The following CA8 variants were observed in gnomAD, a reference collection of about 807,000 sequenced individuals.
The protein encoded by CA8 is carbonic anhydrase-related protein.
CA8 carries 22 observed loss-of-function variants against 41.4 expected under a neutral mutation model. The observed-to-expected ratio is 0.53, with a 90% CI of 0.38 to 0.76. The LOEUF (loss-of-function observed/expected upper bound fraction) is 0.76, where lower values mean the gene tolerates loss of function less well. CA8 is among the 30% of genes least tolerant of loss of function. The pLI is 0.00. For missense variants in CA8, 270 were observed against 352.8 expected (o/e 0.77, Z 1.88); for synonymous variants, 121 against 130.6 (o/e 0.93, Z 0.50).
intron 3 of CA8, among the ~76,000 whole-genome samples, chr8:60,250,229 A>G (rs1241496112): frequency 1.3e-5 from 2 of 152,186 alleles, no homozygotes; most frequent in African/African-American, 4.8e-5. Context: ...TGCTGCAATA[A>G]ATCTCATTCT....
intron 3 of CA8, among the ~76,000 whole-genome samples, chr8:60,238,926 T>C (rs892503670): frequency 2.0e-5 from 3 of 151,864 alleles, no homozygotes; most frequent in African/African-American, 2.4e-5. Context: ...GACAGAAAGA[T>C]GGAGGCTGGA....
At chr8:60,273,813 A>G (rs1391377047) in intron 2 of CA8, among the ~76,000 whole-genome samples, 1 of 152,260 alleles carries the variant, frequency 6.6e-6, no homozygotes, top group African/African-American at 2.4e-5. Context: ...CCTTGGCTTG[A>G]GAAGTTCCAG....
intron 3 of CA8, among the ~76,000 whole-genome samples, chr8:60,239,631 T>C (rs577597041): frequency 6.6e-6 from 1 of 152,306 alleles, no homozygotes; most frequent in South Asian, 2.1e-4. Context: ...AAATGTGACC[T>C]TGTAGAGTTG....
chr8:60,281,127 G>C lies in CA8; in HGVS notation c.21C>G (p.Ile7Met), dbSNP rs1317272159. The change falls in exon 1 of 9, where the codon ATC becomes ATG. Residue 7 changes from isoleucine (I) to methionine (M), a missense_variant. Physicochemically the swap from Ile to Met is conservative, Grantham distance 10 (BLOSUM62 1). Transcript: ENST00000317995. MADLSF[I>M]EDTVAFPEKE... is the part of the protein sequence containing the mutation. ...TCTCGGGGAAGGCGACGGTATCTTC[G>C]ATGAAGCTCAGGTCCGCCATGGGAA... The C allele has an allele frequency of 6.3e-7, 1 of 1,584,646 alleles. No individual in the cohort carries two copies. Among genetic ancestry groups the C allele is most frequent in the South Asian group, 1.2e-5 (1 of 86,790 alleles).
chr8:60,197,035 G>A (rs1806300005), intron 8 of CA8, among the ~76,000 whole-genome samples: 1 of 152,112 alleles, frequency 6.6e-6, no homozygotes, highest in South Asian at 2.1e-4. Context: ...ACTGGTGAAG[G>A]TGAAAAGTGT....
At chr8:60,240,636 G>A (rs911379920) in intron 3 of CA8, among the ~76,000 whole-genome samples, 1 of 152,092 alleles carries the variant, frequency 6.6e-6, no homozygotes, top group Non-Finnish European at 1.5e-5. Context: ...TCTGAGCCAG[G>A]ACACTATAGA....
At chr8:60,233,243 T>C (rs10092625) in intron 3 of CA8, among the ~76,000 whole-genome samples, 53,405 of 152,146 alleles carry the variant, frequency 0.35, 9,901 homozygotes, top group Admixed American at 0.43. Context: ...AACGTCGCCT[T>C]ATTTTAAAAT....
intron 2 of CA8, among the ~76,000 whole-genome samples, chr8:60,268,957 C>A (rs1803984322): frequency 6.6e-6 from 1 of 152,114 alleles, no homozygotes; most frequent in Non-Finnish European, 1.5e-5. Context: ...GGAGAGGTGA[C>A]AAAGAGGTGG....
rs1474958801 is a variant in CA8 at position 60,281,226 on chromosome 8, G to A, written c.-79C>T. 5 of 1,027,010 alleles carry A rather than the reference G, an allele frequency of 4.9e-6. No homozygotes were observed. Among genetic ancestry groups the A allele is most frequent in the East Asian group, 2.6e-5 (1 of 38,450 alleles). 63.6% of individuals were successfully genotyped at this position (1,027,010 alleles called of 1,614,324 possible). ...TGGGCGCGGGGCTGGAGCCGGAGCGGAGCGCGCGTGGGGGAGTGTGAGCAC... is the reference window on the plus strand; with the variant it reads ...TGGGCGCGGGGCTGGAGCCGGAGCGAAGCGCGCGTGGGGGAGTGTGAGCAC... On this transcript the variant is annotated 5_prime_UTR_variant, in exon 1 of 9. Transcript: ENST00000317995.
At position 60,188,739 on chromosome 8, in the gene CA8, C is replaced by T. The variant is rs1452159151; in HGVS notation, c.*1282G>A. On this transcript the variant is annotated 3_prime_UTR_variant, in exon 9 of 9. Transcript: ENST00000317995. ...CACATTGCCATAACCCTAGTCCTTT[C>T]TCTTGCTGCCCAAGAATACATGATG... 1 of 152,190 alleles carries T rather than the reference C, an allele frequency of 6.6e-6. No homozygotes were observed. Among genetic ancestry groups the T allele is most frequent in the East Asian group, 1.9e-4 (1 of 5,182 alleles). 9.4% of individuals were successfully genotyped at this position (152,190 alleles called of 1,614,324 possible). A position where few individuals can be genotyped will look rare whatever the true frequency, so the allele number is the denominator to read the frequency against.
chr8:60,274,984 G>A (rs1295572174), intron 2 of CA8, among the ~76,000 whole-genome samples: 1 of 152,152 alleles, frequency 6.6e-6, no homozygotes, highest in Non-Finnish European at 1.5e-5. Context: ...GGTCAGGCAT[G>A]ATGATGAGAT....
At chr8:60,249,953 C>A (rs944971325) in intron 3 of CA8, among the ~76,000 whole-genome samples, 1 of 152,148 alleles carries the variant, frequency 6.6e-6, no homozygotes, top group African/African-American at 2.4e-5. Context: ...TAGCGACAAT[C>A]ATAATACGCA....
intron 2 of CA8, among the ~76,000 whole-genome samples, chr8:60,274,814 G>A (rs1302815154): frequency 6.6e-6 from 1 of 152,138 alleles, no homozygotes; most frequent in Non-Finnish European, 1.5e-5. Context: ...CTACTCCACA[G>A]TATTTTATTA....
At chr8:60,204,671 T>C (rs1441097122) in intron 8 of CA8, among the ~76,000 whole-genome samples, 1 of 152,178 alleles carries the variant, frequency 6.6e-6, no homozygotes, top group Non-Finnish European at 1.5e-5. Context: ...AGGAAATCCA[T>C]TCCAGTTGGA....
At chr8:60,208,044 T>C (rs543427032) in intron 8 of CA8, 3 of 152,366 alleles carry the variant, frequency 2.0e-5, no homozygotes, top group African/African-American at 7.2e-5. Flanking sequence ...ACTTAGGAAA[T>C]TTACAAGGTA....
intron 3 of CA8, among the ~76,000 whole-genome samples, chr8:60,235,798 A>C (rs555379428): frequency 6.6e-6 from 1 of 152,226 alleles, no homozygotes; most frequent in African/African-American, 2.4e-5. Flanking sequence ...ATGTTACCAT[A>C]GCTGTATTCT....
intron 6 of CA8, 52 bp downstream of exon 6, chr8:60,224,485 G>GT: frequency 9.7e-6 from 10 of 1,026,970 alleles, no homozygotes; most frequent in Non-Finnish European, 1.4e-5. Flanking sequence ...AGAAAACAAT[G>GT]TGACTATAGC....
At chr8:60,207,472 T>C (rs928840692) in intron 8 of CA8, among the ~76,000 whole-genome samples, 18 of 152,210 alleles carry the variant, frequency 1.2e-4, no homozygotes, top group African/African-American at 4.1e-4. Flanking sequence ...TCTCACTCAC[T>C]GTGCTGCAAC....
intron 3 of CA8, among the ~76,000 whole-genome samples, chr8:60,256,484 T>C (rs755957558): frequency 3.3e-5 from 5 of 152,242 alleles, no homozygotes; most frequent in South Asian, 2.1e-4. Context: ...TGTAGAACCC[T>C]ACAAAGCTAA....
Sources: allele counts gnomAD v4.1 joint callset (sites outside exome capture counted in the v4.1 genomes callset), GRCh38; gene constraint gnomAD v4.1.1; transcripts MANE v1.5; gene names NCBI Gene and HGNC (gene_info 2026-07-23, HGNC 2026-07-21).